Variants in NXN observed in about 807,000 individuals in gnomAD.
NXN encodes nucleoredoxin, also known as nucleoredoxin 1.
NXN carries 16 observed loss-of-function variants against 48.6 expected under a neutral mutation model. The observed-to-expected ratio is 0.33, with a 90% confidence interval of 0.22 to 0.50. NXN has a LOEUF of 0.50. Ranked by LOEUF, NXN falls within the 20% of genes least tolerant of loss-of-function variation. NXN has a pLI of 0.98. For missense variants in NXN, 492 were observed against 605.5 expected (o/e 0.81, Z 1.97); for synonymous variants, 281 against 269.6 (o/e 1.04, Z -0.41).
chr17:823,847 A>C lies in NXN; in HGVS notation c.479-82T>G, dbSNP rs1912949781. 2.7e-6 allele frequency: 4 copies of C among 1,464,198 alleles called. No homozygotes were observed. The East Asian group carries it at 9.1e-5, about 33-fold the overall frequency. 90.7% of individuals were successfully genotyped at this position (1,464,198 alleles called of 1,614,324 possible). ...CCCAGGAGACTTCAGAGCGGTTAAG[A>C]CTCTTCTTGATGACCTGGGACCCGG... On this transcript the variant is annotated intron_variant, in intron 2 of 7. Transcript: ENST00000336868.
intron 1 of NXN, among the ~76,000 whole-genome samples, chr17:886,327 C>G (rs972936291): frequency 1.3e-5 from 2 of 152,144 alleles, no homozygotes; most frequent in Admixed American, 1.3e-4. Flanking sequence ...AGAAGGTTCT[C>G]TAACATCCAA....
At position 849,818 on chromosome 17, in the gene NXN, G is replaced by C. The variant is rs768532720; in HGVS notation, c.361-23740C>G. On this transcript the variant is annotated intron_variant, in intron 1 of 7. Coordinates refer to ENST00000336868, the MANE Select transcript of NXN (RefSeq NM_022463.5). The surrounding 1 kb of genome is among the most constrained non-coding windows in gnomAD (Gnocchi z 4.2). ...GCCTTGCTGGGCCAGGGACAGCAGA[G>C]AGAAATGGAGCTGACGGAGAGGAGG... Among the ~76,000 whole-genome samples, 2 of 152,184 alleles carry C rather than the reference G, an allele frequency of 1.3e-5. No homozygotes were observed. The highest frequency in any genetic ancestry group is 1.9e-4 in the East Asian group (1 of 5,188).
At chr17:950,944 T>TG (rs773173689) in intron 1 of NXN, among the ~76,000 whole-genome samples, 1 of 14,704 alleles carries the variant, frequency 6.8e-5, no homozygotes, top group Non-Finnish European at 1.0e-4. Flanking sequence ...TGTCAACTCT[T>TG]GACTTTCTGG....
intron 1 of NXN, among the ~76,000 whole-genome samples, chr17:962,497 G>A (rs534014839): frequency 9.2e-5 from 14 of 152,070 alleles, no homozygotes; most frequent in Non-Finnish European, 1.5e-4. Context: ...GTAAAACCCC[G>A]TCTCTACCAA....
intron 5 of NXN, among the ~76,000 whole-genome samples, chr17:813,536 T>C (rs1912289141): frequency 1.3e-5 from 2 of 152,386 alleles, no homozygotes; most frequent in African/African-American, 2.4e-5. Flanking sequence ...ATTTCCTTAA[T>C]ACGTGAGCAT....
chr17:860,119 T>TATA (rs890377885), intron 1 of NXN, among the ~76,000 whole-genome samples: 22 of 151,188 alleles, frequency 1.5e-4, no homozygotes, highest in African/African-American at 5.4e-4. Flanking sequence ...TTAAAAAATT[T>TATA]ATTATTATTA....
intron 1 of NXN, among the ~76,000 whole-genome samples, chr17:896,511 C>T (rs1021966401): frequency 1.3e-5 from 2 of 152,182 alleles, no homozygotes; most frequent in East Asian, 1.9e-4. Context: ...GTGTCTAAAA[C>T]ACAAGAATAA....
intron 1 of NXN, among the ~76,000 whole-genome samples, chr17:925,715 G>T (rs1294159214): frequency 1.3e-5 from 2 of 152,152 alleles, no homozygotes; most frequent in African/African-American, 4.8e-5. Flanking sequence ...TGTTGCTGCT[G>T]TTAATGTCTC....
chr17:913,697 C>T (rs1180506873), intron 1 of NXN, among the ~76,000 whole-genome samples: 1 of 152,016 alleles, frequency 6.6e-6, no homozygotes, highest in Non-Finnish European at 1.5e-5. Context: ...GACCGGGACC[C>T]TTCTCAGATG....
intron 1 of NXN, among the ~76,000 whole-genome samples, chr17:948,133 A>G (rs2069066721): frequency 6.6e-6 from 1 of 152,120 alleles, no homozygotes; most frequent in East Asian, 1.9e-4. Context: ...ACAACACAGC[A>G]TAACGACTAT....
Position 889,713 on chromosome 17 carries a change from A to G in NXN, c.361-63635T>C, listed in dbSNP as rs552193933. ...AGAAAGAAAGAAAAAGAAAGAAAGA[A>G]AGAAAGAAAGAAAGAAAGAAAGAAA... On this transcript the variant is annotated intron_variant, in intron 1 of 7. Coordinates refer to ENST00000336868, the MANE Select transcript of NXN (RefSeq NM_022463.5). Among the ~76,000 whole-genome samples the G allele has an allele frequency of 6.4e-4, 32 of 50,262 alleles. No homozygotes were observed. In the South Asian group the frequency reaches 8.6e-3, roughly 14 times the overall value. 33.0% of individuals were successfully genotyped at this position (50,262 alleles called of 152,430 possible).
At chr17:925,409 A>G (rs1366296434) in intron 1 of NXN, among the ~76,000 whole-genome samples, 2 of 152,128 alleles carry the variant, frequency 1.3e-5, no homozygotes, top group Non-Finnish European at 2.9e-5. Flanking sequence ...ACTGACTGAG[A>G]CAGAGTTTTG....
intron 1 of NXN, among the ~76,000 whole-genome samples, chr17:965,698 G>A (rs921712147): frequency 2.0e-5 from 3 of 152,034 alleles, no homozygotes; most frequent in Non-Finnish European, 4.4e-5. Context: ...TTTATCAACT[G>A]CTTGTATAAA....
At chr17:876,106 G>T (rs921167000) in intron 1 of NXN, among the ~76,000 whole-genome samples, 15 of 151,852 alleles carry the variant, frequency 9.9e-5, no homozygotes, top group African/African-American at 3.6e-4. Context: ...GCTTGAACCT[G>T]GGGGGGTGGA....
At chr17:901,010 TC>T (rs2068532933) in intron 1 of NXN, among the ~76,000 whole-genome samples, 1 of 139,606 alleles carries the variant, frequency 7.2e-6, no homozygotes, top group Admixed American at 7.9e-5. Context: ...AACCTCCACC[TC>T]CCGGGTTCAA....
chr17:960,037 A>G (rs2069218718), intron 1 of NXN, among the ~76,000 whole-genome samples: 1 of 152,136 alleles, frequency 6.6e-6, no homozygotes, highest in South Asian at 2.1e-4. Context: ...GGTTGCGGTC[A>G]GCCGAGATTG....
intron 1 of NXN, among the ~76,000 whole-genome samples, chr17:926,785 G>A (rs2068804814): frequency 6.6e-6 from 1 of 151,178 alleles, no homozygotes; most frequent in Non-Finnish European, 1.5e-5. Context: ...CAAGCGATCT[G>A]CCCGCCTTGG....
intron 1 of NXN, among the ~76,000 whole-genome samples, chr17:882,519 G>A (rs965744396): frequency 1.3e-5 from 2 of 152,178 alleles, no homozygotes; most frequent in African/African-American, 2.4e-5. Flanking sequence ...AGGCTGGAGT[G>A]CAGTGGCGCA....
In NXN at chr17:840,305, G is replaced by A. The variant is rs187741104; in HGVS notation, c.361-14227C>T. Among the ~76,000 whole-genome samples, 374 of 152,168 alleles carry A rather than the reference G, an allele frequency of 2.5e-3. 1 individual carries two copies. The highest frequency in any genetic ancestry group is 8.5e-3 in the African/African-American group (354 of 41,546). On this transcript the variant is annotated intron_variant, in intron 1 of 7. Coordinates refer to ENST00000336868, the MANE Select transcript of NXN (RefSeq NM_022463.5). Reference sequence around the variant, plus strand: ...AGGACCAGGGGACAACTGTACACAGGAAATGCCGGTTACTCTCAGCCTGGT... The same window carrying A: ...AGGACCAGGGGACAACTGTACACAGAAAATGCCGGTTACTCTCAGCCTGGT...
Sources: gnomAD v4.1 joint callset for allele counts (sites outside exome capture counted in the v4.1 genomes callset) on GRCh38, gnomAD v4.1.1 for gene constraint, Gnocchi (gnomAD v3.1) non-coding constraint, MANE v1.5 for transcripts, NCBI Gene and HGNC (gene_info 2026-07-23, HGNC 2026-07-21) for gene names.